The following TRAK1 variants were observed in gnomAD, a reference collection of about 807,000 sequenced individuals.
The protein encoded by TRAK1 is trafficking kinesin-binding protein 1.
In TRAK1, 33 loss-of-function variants were observed where a neutral mutation model predicts 92.1. The observed-to-expected ratio is 0.36, with a 90% CI of 0.27 to 0.48. The LOEUF is 0.48. Ranked by LOEUF, TRAK1 falls within the 20% of genes least tolerant of loss-of-function variation. The pLI, the probability that TRAK1 is intolerant of heterozygous loss-of-function variation, is 0.99. For synonymous variants in TRAK1, 521 were observed against 517.3 expected, an observed-to-expected ratio of 1.01 and a Z score of -0.10; for missense variants, 1,123 against 1,257.9, an observed-to-expected ratio of 0.89 and a Z score of 1.62.
At chr3:42,061,038 A>G (rs978616865) in intron 1 of TRAK1, among the ~76,000 whole-genome samples, 3 of 152,162 alleles carry the variant, frequency 2.0e-5, no homozygotes, top group African/African-American at 7.2e-5. Flanking sequence ...CTTATGCTGA[A>G]GGACCCTGTG....
At chr3:42,173,559 T>C (rs377296267) in intron 2 of TRAK1, among the ~76,000 whole-genome samples, 1 of 152,206 alleles carries the variant, frequency 6.6e-6, no homozygotes, top group African/African-American at 2.4e-5. Context: ...GGGTTCTTTC[T>C]TTCCCCTAGG....
chr3:42,115,876 G>A (rs560836773), intron 1 of TRAK1, among the ~76,000 whole-genome samples: 28 of 152,262 alleles, frequency 1.8e-4, no homozygotes, highest in African/African-American at 6.5e-4. Flanking sequence ...TTCCATTTCT[G>A]CCACTGCTTA....
intron 14 of TRAK1, chr3:42,217,307 G>T: frequency 2.0e-6 from 2 of 985,304 alleles, no homozygotes; most frequent in Non-Finnish European, 2.4e-6. Context: ...GGGTCCAGGC[G>T]TCCTGGTGGT....
At chr3:42,169,915 C>T (rs1298698066) in intron 2 of TRAK1, among the ~76,000 whole-genome samples, 1 of 152,156 alleles carries the variant, frequency 6.6e-6, no homozygotes, top group African/African-American at 2.4e-5. Flanking sequence ...CAGGGAGGCA[C>T]CTTCTTTTTG....
chr3:42,196,886 C>A (rs1295915716), intron 10 of TRAK1, among the ~76,000 whole-genome samples: 4 of 151,768 alleles, frequency 2.6e-5, no homozygotes. Context: ...CCTCACAACA[C>A]CACAGATGCT....
chr3:42,130,228 T>C (rs974596637), intron 2 of TRAK1, among the ~76,000 whole-genome samples: 2 of 152,006 alleles, frequency 1.3e-5, no homozygotes, highest in African/African-American at 2.4e-5. Context: ...AGCTGCTGCA[T>C]TGGTCTTTAG....
At chr3:42,097,546 C>T (rs1490932433) in intron 1 of TRAK1, among the ~76,000 whole-genome samples, 3 of 152,112 alleles carry the variant, frequency 2.0e-5, no homozygotes, top group Non-Finnish European at 4.4e-5. Context: ...TTCGGTATTT[C>T]CTGGAGGAAT....
chr3:42,191,680 G>A (rs1192518915), intron 7 of TRAK1, 44 bp downstream of exon 7: 1 of 1,556,860 alleles, frequency 6.4e-7, no homozygotes, highest in Non-Finnish European at 8.7e-7. Context: ...TGCATCTGCT[G>A]TCATGATTAG....
At chr3:42,204,034 A>C (rs1410843430) in intron 13 of TRAK1, 1 of 984,862 alleles carries the variant, frequency 1.0e-6, no homozygotes, top group Admixed American at 6.1e-5. Flanking sequence ...TGTTTTTATT[A>C]TTATTTTAAA....
At chr3:42,151,042 ACT>A (rs1699894297) in intron 2 of TRAK1, among the ~76,000 whole-genome samples, 1 of 152,150 alleles carries the variant, frequency 6.6e-6, no homozygotes, top group South Asian at 2.1e-4. Flanking sequence ...ACCCTCTATA[ACT>A]TTTTAAAGTA....
At chr3:42,070,238 G>GAATAAT (rs35822803) in intron 1 of TRAK1, among the ~76,000 whole-genome samples, 2 of 144,578 alleles carry the variant, frequency 1.4e-5, no homozygotes, top group South Asian at 2.1e-4. Flanking sequence ...TAATAATTAT[G>GAATAAT]AATAATAATA....
At chr3:42,017,822 G>A (rs768811963) in intron 1 of TRAK1, among the ~76,000 whole-genome samples, 7 of 152,058 alleles carry the variant, frequency 4.6e-5, no homozygotes, top group Non-Finnish European at 8.8e-5. Flanking sequence ...ATCCTTGTTT[G>A]GACTTAATTT....
At chr3:42,188,251 C>A in intron 5 of TRAK1, 106 bp downstream of exon 5, 1 of 957,222 alleles carries the variant, frequency 1.0e-6, no homozygotes, top group Non-Finnish European at 1.7e-6. Context: ...CAATGGAGGT[C>A]AGCTGCTCTC....
At chr3:42,159,197 T>C (rs191546777) in intron 2 of TRAK1, among the ~76,000 whole-genome samples, 1 of 152,222 alleles carries the variant, frequency 6.6e-6, no homozygotes, top group East Asian at 1.9e-4. Context: ...GTTCCCGAAC[T>C]TGTGTAGAAA....
At chr3:42,141,904 G>A (rs139530639) in intron 2 of TRAK1, among the ~76,000 whole-genome samples, 3 of 152,306 alleles carry the variant, frequency 2.0e-5, no homozygotes, top group African/African-American at 7.2e-5. Context: ...GGGAGGCCGA[G>A]GCAAGCAGAT....
chr3:42,053,270 C>T (rs749398055), intron 1 of TRAK1, among the ~76,000 whole-genome samples: 3 of 147,716 alleles, frequency 2.0e-5, no homozygotes, highest in Admixed American at 7.1e-5. Flanking sequence ...GCTCATTTTC[C>T]GTGTGAAGAA....
intron 1 of TRAK1, among the ~76,000 whole-genome samples, chr3:42,054,261 T>A (rs974000435): frequency 2.0e-5 from 3 of 152,206 alleles, no homozygotes; most frequent in Non-Finnish European, 4.4e-5. Flanking sequence ...GTGAGTGACC[T>A]CCTTCAGCAC....
chr3:42,219,936 G>A (rs1710178557), intron 15 of TRAK1, among the ~76,000 whole-genome samples: 1 of 151,480 alleles, frequency 6.6e-6, no homozygotes, highest in South Asian at 2.1e-4. Flanking sequence ...TATTTATTTG[G>A]ATCTGGCTCA....
In TRAK1 at chr3:42,021,795, C is replaced by T. The variant is rs115582097; in HGVS notation, c.-519+7678C>T. On this transcript the variant is annotated intron_variant, in intron 1 of 16. Transcript: ENST00000487159. ...TTTACTGTGTTGGCCAGACTGGTCT[C>T]GAACTCCTGGTCAGTTATCCACCTG... Among the ~76,000 whole-genome samples, 544 of 152,100 alleles carry T rather than the reference C, an allele frequency of 3.6e-3. 3 individuals are homozygous for T. The highest frequency in any genetic ancestry group is 6.0e-3 in the Non-Finnish European group (405 of 67,998).
Sources: allele counts gnomAD v4.1 joint callset (sites outside exome capture counted in the v4.1 genomes callset), GRCh38; gene constraint gnomAD v4.1.1; transcripts MANE v1.5; gene names NCBI Gene and HGNC (gene_info 2026-07-23, HGNC 2026-07-21).